L3MBTL4: variants seen among roughly 807,000 people sequenced by gnomAD.
The protein encoded by L3MBTL4 is lethal(3)malignant brain tumor-like protein 4.
A neutral mutation model predicts 84.5 loss-of-function variants in L3MBTL4; 70 were observed. That is an observed-to-expected ratio of 0.83 (90% CI 0.68 to 1.01). The LOEUF is 1.01. Ranked by LOEUF, L3MBTL4 falls within the 50% of genes least tolerant of loss-of-function variation. The pLI, the probability that L3MBTL4 is intolerant of heterozygous loss-of-function variation, is 0.00. For synonymous variants in L3MBTL4, 274 were observed against 259.8 expected (o/e 1.05, Z -0.52); for missense variants, 715 against 754.8 (o/e 0.95, Z 0.62).
chr18:6,280,700 T>C (rs763053754), intron 4 of L3MBTL4, among the ~76,000 whole-genome samples: 2 of 152,188 alleles, frequency 1.3e-5, no homozygotes, highest in Non-Finnish European at 2.9e-5. Context: ...GGAGAGAGTG[T>C]CTTGGATTAT....
At position 5,991,561 on chromosome 18, in the gene L3MBTL4, C is replaced by T. The variant is rs560120768; in HGVS notation, c.1445-21999G>A. 2.0e-5 allele frequency among the ~76,000 whole-genome samples: 3 copies of T among 152,332 alleles called. No individual in the cohort carries two copies. In the South Asian group the frequency reaches 6.2e-4, roughly 32 times the overall value. On this transcript the variant is annotated intron_variant, in intron 16 of 18. Coordinates refer to ENST00000317931, the MANE Select transcript of L3MBTL4 (RefSeq NM_001330559.2). ...ATAGTAACCTGTTTAATTATTCTCA[C>T]ACTTACACTGCTCTATAACTAGAGC...
chr18:6,217,754 G>T (rs918052582), intron 10 of L3MBTL4, among the ~76,000 whole-genome samples: 6 of 152,148 alleles, frequency 3.9e-5, no homozygotes, highest in African/African-American at 1.4e-4. Flanking sequence ...TTGATATAGA[G>T]AAAATTTCCC....
At chr18:5,993,741 A>C (rs1317034651) in intron 16 of L3MBTL4, among the ~76,000 whole-genome samples, 2 of 152,240 alleles carry the variant, frequency 1.3e-5, no homozygotes, top group African/African-American at 4.8e-5. Flanking sequence ...TAGGAAAAGT[A>C]ATGAAAAAAT....
intron 14 of L3MBTL4, among the ~76,000 whole-genome samples, chr18:6,116,810 G>A: frequency 6.6e-6 from 1 of 152,188 alleles, no homozygotes; most frequent in East Asian, 1.9e-4. Flanking sequence ...AAATACCTGT[G>A]TAGCCAGCAT....
chr18:6,228,304 C>T (rs2046858193), intron 10 of L3MBTL4, among the ~76,000 whole-genome samples: 1 of 152,052 alleles, frequency 6.6e-6, no homozygotes, highest in Non-Finnish European at 1.5e-5. Context: ...TAAAACTTCA[C>T]TAGAATAAAA....
intron 17 of L3MBTL4, among the ~76,000 whole-genome samples, chr18:5,967,962 C>T (rs573650264): frequency 3.3e-5 from 5 of 152,228 alleles, no homozygotes; most frequent in African/African-American, 4.8e-5. Context: ...ACGTTCCTCA[C>T]GATCTGGACT....
At chr18:5,970,519 A>G (rs2052588796) in intron 16 of L3MBTL4, among the ~76,000 whole-genome samples, 1 of 152,216 alleles carries the variant, frequency 6.6e-6, no homozygotes, top group African/African-American at 2.4e-5. Context: ...GAGCAAAAAT[A>G]TTACAGAGAT....
chr18:6,133,602 A>G (rs1388951010), intron 14 of L3MBTL4, among the ~76,000 whole-genome samples: 1 of 152,018 alleles, frequency 6.6e-6, no homozygotes, highest in Non-Finnish European at 1.5e-5. Flanking sequence ...ACAGATTGTG[A>G]AAAAAAATGT....
At chr18:6,147,450 A>T (rs982683826) in intron 13 of L3MBTL4, among the ~76,000 whole-genome samples, 1 of 152,178 alleles carries the variant, frequency 6.6e-6, no homozygotes, top group Non-Finnish European at 1.5e-5. Context: ...TTCATAATAC[A>T]TAAATAAAAT....
At chr18:6,315,374 C>A (rs1477677651) in intron 1 of L3MBTL4, among the ~76,000 whole-genome samples, 1 of 152,182 alleles carries the variant, frequency 6.6e-6, no homozygotes, top group Non-Finnish European at 1.5e-5. Flanking sequence ...ATAACTTATG[C>A]ATGAATAATT....
chr18:6,164,581 G>T (rs545054173), intron 13 of L3MBTL4, among the ~76,000 whole-genome samples: 10 of 152,298 alleles, frequency 6.6e-5, no homozygotes, highest in African/African-American at 2.2e-4. Context: ...GTCTGGAGTG[G>T]ACCTCCAACA....
At chr18:6,008,883 C>A (rs1172912440) in intron 16 of L3MBTL4, among the ~76,000 whole-genome samples, 8 of 152,294 alleles carry the variant, frequency 5.3e-5, no homozygotes, top group African/African-American at 1.9e-4. Context: ...TTGACATAAA[C>A]CATTTCAGAC....
intron 17 of L3MBTL4, among the ~76,000 whole-genome samples, chr18:5,968,611 C>T (rs1322607645): frequency 2.6e-5 from 4 of 151,840 alleles, no homozygotes; most frequent in South Asian, 2.1e-4. Flanking sequence ...GTGGGAGGAT[C>T]GCTAGAGTCC....
intron 16 of L3MBTL4, among the ~76,000 whole-genome samples, chr18:5,983,098 G>A (rs1044711119): frequency 5.9e-5 from 9 of 152,294 alleles, no homozygotes; most frequent in African/African-American, 1.7e-4. Flanking sequence ...AGTTGCTCAC[G>A]TCACGAGGAA....
In L3MBTL4 at chr18:6,273,448, A is replaced by G. The variant is rs1270989358; in HGVS notation, c.128-9410T>C. Among the ~76,000 whole-genome samples the G allele has an allele frequency of 4.3e-5, 4 of 93,538 alleles. No individual in the cohort carries two copies. The Admixed American group carries it at 4.8e-4, about 11-fold the overall frequency. The allele number at this position is 93,538 out of a possible 152,430, so 61.4% of individuals were successfully genotyped here. A position where few individuals can be genotyped will look rare whatever the true frequency, so the allele number is the denominator to read the frequency against. ...GAGCGGTGCCTTCAGGAGCACGGGG[A>G]AAGGGAGAGTTGTGCAAATTCAACT... On this transcript the variant is annotated intron_variant, in intron 4 of 18. Coordinates refer to ENST00000317931, the MANE Select transcript of L3MBTL4 (RefSeq NM_001330559.2).
At chr18:6,219,200 G>A (rs2046446428) in intron 10 of L3MBTL4, among the ~76,000 whole-genome samples, 1 of 151,820 alleles carries the variant, frequency 6.6e-6, no homozygotes. Flanking sequence ...AATGACGCGT[G>A]GCTCCATCAA....
intron 1 of L3MBTL4, among the ~76,000 whole-genome samples, chr18:6,362,559 A>G (rs2053754670): frequency 6.6e-6 from 1 of 152,194 alleles, no homozygotes; most frequent in Non-Finnish European, 1.5e-5. Flanking sequence ...GTGAAGTCTC[A>G]TTATAAGTAT....
In L3MBTL4 at chr18:6,340,784, T is replaced by C. The variant is rs148627452; in HGVS notation, c.-90-28728A>G. ...GTGCCCCACACATCCCCAAGCACAG[T>C]CCCCTATAGGTCCCCACAATGATGC... On this transcript the variant is annotated intron_variant, in intron 1 of 18. Transcript: ENST00000317931. Among the ~76,000 whole-genome samples, 25 of 152,080 alleles carry C rather than the reference T, an allele frequency of 1.6e-4. No homozygotes were observed. In the East Asian group the frequency reaches 4.8e-3, roughly 29 times the overall value.
At chr18:6,226,002 A>G (rs2046767885) in intron 10 of L3MBTL4, among the ~76,000 whole-genome samples, 1 of 152,228 alleles carries the variant, frequency 6.6e-6, no homozygotes, top group South Asian at 2.1e-4. Context: ...TTCAGAGAGA[A>G]GGAACATAAC....
Sources: allele counts gnomAD v4.1 joint callset (sites outside exome capture counted in the v4.1 genomes callset), GRCh38; gene constraint gnomAD v4.1.1; transcripts MANE v1.5; gene names NCBI Gene and HGNC (gene_info 2026-07-23, HGNC 2026-07-21).